The following DOK6 variants were observed in gnomAD, a reference collection of about 807,000 sequenced individuals.
DOK6 encodes docking protein 6.
A neutral mutation model predicts 44.0 loss-of-function variants in DOK6; 22 were observed. The ratio of observed to expected loss-of-function variants is 0.50; its 90% CI spans 0.36 to 0.71. DOK6 has a LOEUF of 0.71. Among genes scored for constraint, DOK6 ranks in the 30% least tolerant of loss-of-function variants. The pLI, the probability that DOK6 is intolerant of heterozygous loss-of-function variation, is 0.00. For missense variants in DOK6, 340 were observed against 416.4 expected (o/e 0.82, Z 1.60); for synonymous variants, 166 against 145.5 (o/e 1.14, Z -1.01).
intron 3 of DOK6, among the ~76,000 whole-genome samples, chr18:69,657,543 AG>A: frequency 6.6e-6 from 1 of 152,238 alleles, no homozygotes; most frequent in South Asian, 2.1e-4. Flanking sequence ...TCTAAGTAAA[AG>A]TTGATTGATA....
chr18:69,824,093 G>C (rs868792424), intron 7 of DOK6, among the ~76,000 whole-genome samples: 1 of 151,026 alleles, frequency 6.6e-6, no homozygotes, highest in Non-Finnish European at 1.5e-5. Context: ...TGTGCACAAC[G>C]TGCAGGTTAG....
rs139405818 is a variant in DOK6, at chr18:69,414,624, T to C, written c.66+13314T>C. On this transcript the variant is annotated intron_variant, in intron 1 of 7. Coordinates refer to ENST00000382713, the MANE Select transcript of DOK6 (RefSeq NM_152721.6). ...TAGAAGTGGTTATAAAAGCAAAGAA[T>C]GGGGAATCCTTTTGATGGTTGAAAT... is the stretch of plus-strand genomic sequence containing the variant. Among the ~76,000 whole-genome samples the C allele has an allele frequency of 9.4e-3, 1,435 of 152,118 alleles. 17 individuals carry two copies. The highest frequency in any genetic ancestry group is 0.025 in the African/African-American group (1,058 of 41,518).
chr18:69,563,404 A>T (rs1395083938), intron 1 of DOK6, among the ~76,000 whole-genome samples: 8 of 152,176 alleles, frequency 5.3e-5, no homozygotes, highest in Non-Finnish European at 1.2e-4. Flanking sequence ...ACCAACCCAA[A>T]TGTCCAACAA....
intron 1 of DOK6, among the ~76,000 whole-genome samples, chr18:69,474,319 C>T (rs967898074): frequency 5.9e-5 from 9 of 151,940 alleles, no homozygotes; most frequent in African/African-American, 1.9e-4. Context: ...TTCTTGAAAT[C>T]GTATGTGAAC....
chr18:69,565,952 G>A (rs981123724), intron 2 of DOK6, among the ~76,000 whole-genome samples: 1 of 152,008 alleles, frequency 6.6e-6, no homozygotes, highest in African/African-American at 2.4e-5. Flanking sequence ...ACTTAATGAG[G>A]AACTGCCAGT....
chr18:69,750,054 T>C (rs1038726232), intron 6 of DOK6, among the ~76,000 whole-genome samples: 3 of 147,482 alleles, frequency 2.0e-5, no homozygotes, highest in Non-Finnish European at 4.5e-5. Context: ...TATATATATA[T>C]ATATTATATA....
At chr18:69,583,921 A>C (rs112659186) in intron 2 of DOK6, among the ~76,000 whole-genome samples, 13,100 of 152,100 alleles carry the variant, frequency 0.086, 735 homozygotes, top group East Asian at 0.28. Context: ...ATCCTGGCTA[A>C]CACGGTGAAA....
intron 4 of DOK6, among the ~76,000 whole-genome samples, chr18:69,696,172 G>C (rs939452013): frequency 1.3e-5 from 2 of 152,156 alleles, no homozygotes; most frequent in African/African-American, 4.8e-5. Flanking sequence ...CCAGTGTCCA[G>C]TGTGATGCTT....
At chr18:69,562,933 T>C (rs557096397) in intron 1 of DOK6, among the ~76,000 whole-genome samples, 4 of 152,140 alleles carry the variant, frequency 2.6e-5, no homozygotes, top group Non-Finnish European at 4.4e-5. Flanking sequence ...GAATCTACAA[T>C]GAACTCCAAC....
chr18:69,429,547 A>T (rs1301736616), intron 1 of DOK6, among the ~76,000 whole-genome samples: 1 of 142,992 alleles, frequency 7.0e-6, no homozygotes, highest in African/African-American at 2.6e-5. Flanking sequence ...AATGTATTCA[A>T]TCAAAGTTAC....
intron 1 of DOK6, among the ~76,000 whole-genome samples, chr18:69,473,569 C>T (rs1044008390): frequency 6.6e-6 from 1 of 152,184 alleles, no homozygotes; most frequent in Non-Finnish European, 1.5e-5. Flanking sequence ...TGGAGTCTGT[C>T]TTGCACCCAG....
chr18:69,549,823 A>G (rs1982512618), intron 1 of DOK6, among the ~76,000 whole-genome samples: 1 of 151,122 alleles, frequency 6.6e-6, no homozygotes, highest in South Asian at 2.1e-4. Context: ...TTTTTATTTG[A>G]AAGAATTTAT....
chr18:69,541,674 T>C (rs766536393), intron 1 of DOK6, among the ~76,000 whole-genome samples: 1 of 151,454 alleles, frequency 6.6e-6, no homozygotes, highest in Admixed American at 6.6e-5. Flanking sequence ...TCCACAACCA[T>C]GCACTCTCAC....
chr18:69,425,493 T>G (rs1450810057), intron 1 of DOK6, among the ~76,000 whole-genome samples: 1 of 152,078 alleles, frequency 6.6e-6, no homozygotes, highest in African/African-American at 2.4e-5. Flanking sequence ...AATTAATTTG[T>G]TCTCAATTAT....
At chr18:69,593,229 G>T (rs1206319731) in intron 2 of DOK6, among the ~76,000 whole-genome samples, 2 of 151,858 alleles carry the variant, frequency 1.3e-5, no homozygotes, top group African/African-American at 4.8e-5. Flanking sequence ...AAAATTAGTT[G>T]GGCATGGTGG....
intron 1 of DOK6, among the ~76,000 whole-genome samples, chr18:69,410,881 A>G (rs1269900361): frequency 6.6e-6 from 1 of 152,210 alleles, no homozygotes; most frequent in African/African-American, 2.4e-5. Flanking sequence ...CCAGTAGCTC[A>G]GAGTCAGTTT....
chr18:69,633,714 T>C (rs572507559), intron 3 of DOK6, among the ~76,000 whole-genome samples: 1 of 152,282 alleles, frequency 6.6e-6, no homozygotes, highest in Admixed American at 6.5e-5. Context: ...AACGTCTAAT[T>C]ACTCAGTGAT....
At chr18:69,501,325 A>C (rs1981044050) in intron 1 of DOK6, among the ~76,000 whole-genome samples, 1 of 152,144 alleles carries the variant, frequency 6.6e-6, no homozygotes, top group Non-Finnish European at 1.5e-5. Context: ...CTAGGTAATC[A>C]AGCTCCGAAT....
At chr18:69,597,094 G>A (rs1222294475) in intron 2 of DOK6, among the ~76,000 whole-genome samples, 2 of 151,856 alleles carry the variant, frequency 1.3e-5, no homozygotes, top group Non-Finnish European at 1.5e-5. Context: ...TAAATATGAT[G>A]TAATGTTGGG....
Sources: gnomAD v4.1 joint callset for allele counts (sites outside exome capture counted in the v4.1 genomes callset) on GRCh38, gnomAD v4.1.1 for gene constraint, MANE v1.5 for transcripts, NCBI Gene and HGNC (gene_info 2026-07-23, HGNC 2026-07-21) for gene names.